The following BCL3 variants were observed in gnomAD, a reference collection of about 807,000 sequenced individuals.
BCL3 encodes the protein B-cell lymphoma 3 protein.
Under a neutral mutation model 35.7 loss-of-function variants are expected in BCL3, and 15 were observed. The ratio of observed to expected loss-of-function variants is 0.42; its 90% CI spans 0.28 to 0.65. The LOEUF is 0.65. Among genes scored for constraint, BCL3 ranks in the 30% least tolerant of loss-of-function variants. The pLI is 0.22. For synonymous variants in BCL3, 311 were observed against 284.3 expected (o/e 1.09, Z -0.95); for missense variants, 565 against 641.7 (o/e 0.88, Z 1.29).
intron 8 of BCL3, 142 bp downstream of exon 8, chr19:44,758,983 C>T (rs1967360234): frequency 1.4e-6 from 1 of 702,700 alleles, no homozygotes; most frequent in East Asian, 2.8e-5. Flanking sequence ...AACCCATAGC[C>T]CCTCCTCCCT....
intron 2 of BCL3, 103 bp from the exon 3 acceptor site, chr19:44,756,129 T>C: frequency 1.3e-6 from 1 of 768,286 alleles, no homozygotes; most frequent in East Asian, 3.4e-5. Context: ...ACTGGGGACA[T>C]TTCCAAAGTA....
intron 2 of BCL3, among the ~76,000 whole-genome samples, chr19:44,752,524 AT>A (rs1967201108): frequency 6.6e-6 from 1 of 151,842 alleles, no homozygotes; most frequent in Non-Finnish European, 1.5e-5. Context: ...TTACTTTGCC[AT>A]TTTCTATTCT....
At chr19:44,756,514 G>A (rs939907247) in intron 3 of BCL3, among the ~76,000 whole-genome samples, 174 bp downstream of exon 3, 3 of 145,384 alleles carry the variant, frequency 2.1e-5, no homozygotes, top group Non-Finnish European at 4.4e-5. Flanking sequence ...GGAGGGCTGC[G>A]GGCCTGGGAT....
At chr19:44,752,066 A>G (rs560741561) in intron 2 of BCL3, among the ~76,000 whole-genome samples, 1 of 144,352 alleles carries the variant, frequency 6.9e-6, no homozygotes, top group African/African-American at 2.8e-5. Context: ...CTATTATTTT[A>G]TCTCAAACCC....
rs748826061 is a variant in BCL3, at chr19:44,756,311, G to A, written c.490G>A (p.Glu164Lys). ...CAACCTCTTCCAGCAGGGGGGCCGG[G>A]AGCTCGACATCTACAACAACCTACG... is the stretch of plus-strand genomic sequence containing the variant. Reference protein sequence around the residue: ...LVNLFQQGGRELDIYNNLRQT... With the variant: ...LVNLFQQGGRKLDIYNNLRQT... Residue 164 changes from glutamate (E) to lysine (K), a missense_variant, in exon 3 of 9, where the codon GAG becomes AAG. Glu to Lys is a moderately conservative substitution (Grantham distance 56, BLOSUM62 1). Coordinates refer to ENST00000164227, the MANE Select transcript of BCL3 (RefSeq NM_005178.5). The A allele has an allele frequency of 4.5e-6, 7 of 1,540,386 alleles. No individual in the cohort carries two copies. The highest frequency in any genetic ancestry group is 3.8e-5 in the Admixed American group (2 of 52,896).
rs1201460213 is a variant in BCL3, at chr19:44,759,555, T to C, written c.1305T>C (p.Ala435=). 6.2e-7 allele frequency: 1 copy of C among 1,612,432 alleles called. No individual in the cohort carries two copies. Among genetic ancestry groups the C allele is most frequent in the Non-Finnish European group, 8.5e-7 (1 of 1,179,706 alleles). Residue 435 remains alanine, a synonymous_variant, in exon 9 of 9, where the codon GCT becomes GCC. Coordinates refer to ENST00000164227, the MANE Select transcript of BCL3 (RefSeq NM_005178.5). ...SPSPPAFLPF[A]GVLRGPGRPV... ...CTCCACCCGCCTTCCTGCCCTTTGC[T>C]GGGGTCCTCCGAGGCCCTGGCCGGC...
chr19:44,758,720 A>G lies in BCL3; in HGVS notation c.1060-4A>G, dbSNP rs1427959035. 6.3e-7 allele frequency: 1 copy of G among 1,591,812 alleles called. No individual in the cohort carries two copies. Among genetic ancestry groups the G allele is most frequent in the Non-Finnish European group, 8.5e-7 (1 of 1,169,666 alleles). On this transcript the variant is annotated splice_region_variant and splice_polypyrimidine_tract_variant and intron_variant, in intron 7 of 8. Transcript: ENST00000164227. ...GCTCTATGGTCACGCCCATCTTCCT[A>G]CAGGTCATCGACATCCTGAGGGGGA...
chr19:44,747,737 G>T, upstream of BCL3: 2 of 887,520 alleles, frequency 2.3e-6, no homozygotes, highest in Non-Finnish European at 2.8e-6. Context: ...CACCGGCCTC[G>T]GTCGCGCTGA....
At chr19:44,750,591 G>C (rs996203767) in intron 1 of BCL3, among the ~76,000 whole-genome samples, 1 of 152,162 alleles carries the variant, frequency 6.6e-6, no homozygotes, top group Non-Finnish European at 1.5e-5. Context: ...GAGCCACAGC[G>C]CCCGGCCTGC....
chr19:44,751,345 C>A lies in BCL3; in HGVS notation c.375C>A (p.Ile125=), dbSNP rs147904593. Reference sequence around the variant, plus strand: ...TGGAACACCCCCTTTCTGCTGACATCGCCATGGCCACCCGTGCAGATGAGG... The same window carrying A: ...TGGAACACCCCCTTTCTGCTGACATAGCCATGGCCACCCGTGCAGATGAGG... The part of the protein sequence containing the change: ...CPMEHPLSAD[I]AMATRADEDG... The change falls in exon 2 of 9, where the codon ATC becomes ATA. Residue 125 remains isoleucine, a synonymous_variant. Transcript: ENST00000164227. 1.2e-6 allele frequency: 2 copies of A among 1,602,066 alleles called. No individual in the cohort carries two copies. The highest frequency in any genetic ancestry group is 2.7e-5 in the African/African-American group (2 of 74,020).
chr19:44,749,023 G>T lies in BCL3; in HGVS notation c.233G>T (p.Arg78Leu). The change falls in exon 1 of 9, where the codon CGG becomes CTG. Residue 78 changes from arginine to leucine, a missense_variant. Transcript: ENST00000164227. The stretch of plus-strand genomic sequence containing the variant: ...CCCGGGCCCCCCCACGGCCTGGCCC[G>T]GCCGGAGGCGCTTTACTACCCCGGT... ...AVPGPPHGLA[R>L]PEALYYPGAL... is the part of the protein sequence containing the mutation. The T allele has an allele frequency of 7.3e-7, 1 of 1,360,874 alleles. No homozygotes were observed. The highest frequency in any genetic ancestry group is 9.4e-7 in the Non-Finnish European group (1 of 1,058,998). The allele number at this position is 1,360,874 out of a possible 1,614,324, so 84.3% of individuals were successfully genotyped here.
rs899091 is a variant in BCL3 at position 44,759,423 on chromosome 19, C to T, written c.1178-5C>T. On this transcript the variant is annotated splice_polypyrimidine_tract_variant and splice_region_variant and intron_variant, in intron 8 of 8. Coordinates refer to ENST00000164227, the MANE Select transcript of BCL3 (RefSeq NM_005178.5). The stretch of plus-strand genomic sequence containing the variant: ...CCCACCCCTCTGTCTCTCTTCCTTC[C>T]TCAGGTCTTCTCTCCGCATCACCAT... 2,372 of 1,607,736 alleles carry T rather than the reference C, an allele frequency of 1.5e-3. 26 individuals carry two copies. The African/African-American group carries it at 0.015, about 10-fold the overall frequency.
intron 3 of BCL3, among the ~76,000 whole-genome samples, chr19:44,756,550 GT>G (rs67717783): frequency 0.11 from 16,182 of 146,046 alleles, 1,633 homozygotes; most frequent in African/African-American, 0.27. Flanking sequence ...GGAGGGCTGG[GT>G]CCTGGGCTCC....
chr19:44,750,556 C>T (rs1010399784), intron 1 of BCL3, among the ~76,000 whole-genome samples: 1 of 152,174 alleles, frequency 6.6e-6, no homozygotes, highest in Admixed American at 6.5e-5. Flanking sequence ...GCCTCGGCCT[C>T]CCAAAGTATT....
At chr19:44,754,346 C>T (rs1967241020) in intron 2 of BCL3, among the ~76,000 whole-genome samples, 1 of 152,172 alleles carries the variant, frequency 6.6e-6, no homozygotes, top group African/African-American at 2.4e-5. Context: ...CCTACACACA[C>T]ACACCTCAAG....
Position 44,757,565 on chromosome 19 carries a change from G to T in BCL3, c.814-81G>T. 3 of 1,560,012 alleles carry T rather than the reference G, an allele frequency of 1.9e-6. No homozygotes were observed. Among genetic ancestry groups the T allele is most frequent in the South Asian group, 2.2e-5 (2 of 88,908 alleles). On this transcript the variant is annotated intron_variant, in intron 5 of 8. Transcript: ENST00000164227. This position sits in a 1 kb window ranked among gnomAD's most constrained non-coding sequence, Gnocchi z 8.4. Reference sequence around the variant, plus strand: ...ACCCAAGAGAGAGGCTGGACCCCGCGAATGGGATGTGGACGGGATGCGGGT... The same window carrying T: ...ACCCAAGAGAGAGGCTGGACCCCGCTAATGGGATGTGGACGGGATGCGGGT...
At chr19:44,750,391 C>G (rs1394717758) in intron 1 of BCL3, among the ~76,000 whole-genome samples, 1 of 152,096 alleles carries the variant, frequency 6.6e-6, no homozygotes, top group Non-Finnish European at 1.5e-5. Context: ...CTCCGCCTCC[C>G]AAGTTCAGGG....
Position 44,759,621 on chromosome 19 carries a change from A to G in BCL3, c.*6A>G, listed in dbSNP as rs1599845479. Reference sequence around the variant, plus strand: ...CAGCTCCAGGAGGCAGCTGAGGGGGATGGGGGGGCAGATCTTGGACTCATG... The same window carrying G: ...CAGCTCCAGGAGGCAGCTGAGGGGGGTGGGGGGGCAGATCTTGGACTCATG... On this transcript the variant is annotated 3_prime_UTR_variant, in exon 9 of 9. Coordinates refer to ENST00000164227, the MANE Select transcript of BCL3 (RefSeq NM_005178.5). The G allele has an allele frequency of 2.5e-6, 4 of 1,590,692 alleles. No individual in the cohort carries two copies. The highest frequency in any genetic ancestry group is 2.3e-5 in the East Asian group (1 of 43,932).
chr19:44,759,914 A>G lies in BCL3; in HGVS notation c.*299A>G, dbSNP rs1599845770. The G allele has an allele frequency of 1.7e-5, 6 of 362,474 alleles. No homozygotes were observed. In the East Asian group the frequency reaches 2.8e-4, roughly 17 times the overall value. The allele number at this position is 362,474 out of a possible 1,614,324, so 22.5% of individuals were successfully genotyped here. On this transcript the variant is annotated 3_prime_UTR_variant, in exon 9 of 9. Coordinates refer to ENST00000164227, the MANE Select transcript of BCL3 (RefSeq NM_005178.5). ...CCCAGAGCTGGTGGACCCAGGGAAC[A>G]GCCACTCCCCTCCACTCTCTACCAG...
Sources: allele counts gnomAD v4.1 joint callset (sites outside exome capture counted in the v4.1 genomes callset), GRCh38; gene constraint gnomAD v4.1.1; non-coding constraint Gnocchi (gnomAD v3.1); transcripts MANE v1.5; gene names NCBI Gene and HGNC (gene_info 2026-07-23, HGNC 2026-07-21).